TRPC1: variants seen among roughly 807,000 people sequenced by gnomAD.
The protein encoded by TRPC1 is short transient receptor potential channel 1.
A neutral mutation model predicts 88.2 loss-of-function variants in TRPC1; 42 were observed. That is an observed-to-expected ratio of 0.48 (90% CI 0.37 to 0.62). The LOEUF is 0.62. Ranked by LOEUF, TRPC1 falls within the 20% of genes least tolerant of loss-of-function variation. TRPC1 has a pLI of 0.00. For missense variants in TRPC1, 699 were observed against 957.3 expected (o/e 0.73, Z 3.56); for synonymous variants, 288 against 331.8 (o/e 0.87, Z 1.43).
chr3:142,757,319 A>G lies in TRPC1; in HGVS notation c.632+8859A>G, dbSNP rs560559922. 9.2e-4 allele frequency among the ~76,000 whole-genome samples: 138 copies of G among 149,340 alleles called. 2 individuals carry two copies. The highest frequency in any genetic ancestry group is 3.4e-3 in the African/African-American group (133 of 39,614). On this transcript the variant is annotated intron_variant, in intron 4 of 12. Coordinates refer to ENST00000476941, the MANE Select transcript of TRPC1 (RefSeq NM_001251845.2). ...AAAAAATTATGTTTAAAATAATCCCAAAGGATTATAAATCATTCTATAAAG... is the reference window on the plus strand; with the variant it reads ...AAAAAATTATGTTTAAAATAATCCCGAAGGATTATAAATCATTCTATAAAG...
At chr3:142,743,257 C>CCAA (rs1308633704) in intron 2 of TRPC1, among the ~76,000 whole-genome samples, 1 of 151,948 alleles carries the variant, frequency 6.6e-6, no homozygotes, top group Admixed American at 6.6e-5. Context: ...CATTATTTTA[C>CCAA]CAACTCATGC....
chr3:142,751,600 A>G (rs1036835894), intron 4 of TRPC1, among the ~76,000 whole-genome samples: 2 of 152,230 alleles, frequency 1.3e-5, no homozygotes, highest in Non-Finnish European at 2.9e-5. Flanking sequence ...TGGTAATTAA[A>G]TATAGTTGAA....
At chr3:142,732,034 T>A (rs1403959489) in intron 1 of TRPC1, among the ~76,000 whole-genome samples, 1 of 152,228 alleles carries the variant, frequency 6.6e-6, no homozygotes, top group Non-Finnish European at 1.5e-5. Flanking sequence ...TTAAAATATT[T>A]ACTCTCTAAC....
Position 142,804,169 on chromosome 3 carries a change from G to C in TRPC1, c.1950G>C (p.Gln650His). 1 of 1,613,736 alleles carries C rather than the reference G, an allele frequency of 6.2e-7. No homozygotes were observed. Among genetic ancestry groups the C allele is most frequent in the South Asian group, 1.1e-5 (1 of 91,076 alleles). Residue 650 changes from glutamine (Q) to histidine (H), a missense_variant, in exon 11 of 13, where the codon CAG becomes CAC. Around this residue, in one of 4 missense-constraint regions of TRPC1, gnomAD observed 11 missense variants for 47.2 expected, o/e 0.23. Coordinates refer to ENST00000476941, the MANE Select transcript of TRPC1 (RefSeq NM_001251845.2). ...LLVAMLHKSF[Q>H]LIANHEDKEW... ...TGGCAATGCTTCATAAAAGCTTTCA[G>C]TTGATAGCAGTAAGTTCATTCTTTT...
chr3:142,748,539 A>G, intron 4 of TRPC1, 79 bp downstream of exon 4: 2 of 1,482,502 alleles, frequency 1.3e-6, no homozygotes, highest in Admixed American at 1.8e-5. Context: ...TATTCTTTCT[A>G]TGCAGCTTTT....
rs1936645016 is a variant in TRPC1, at chr3:142,802,289, C to T, written c.1702C>T (p.Gln568Ter). ...TGATAAAGGATATACTTCAAAGGAG[C>T]AGAAGGACTGTGTAGGCATCTTCTG... ...LYDKGYTSKE[Q>*]KDCVGIFCEQ... Residue 568 changes from glutamine to a stop codon, truncating the protein, a stop_gained, in exon 10 of 13, where the codon CAG becomes TAG. Transcript: ENST00000476941. LOFTEE classifies it high-confidence loss of function. 1 of 1,593,528 alleles carries T rather than the reference C, an allele frequency of 6.3e-7. No homozygotes were observed. Among genetic ancestry groups the T allele is most frequent in the Non-Finnish European group, 8.5e-7 (1 of 1,171,360 alleles).
chr3:142,791,377 T>G (rs547623881), intron 8 of TRPC1, among the ~76,000 whole-genome samples: 1 of 152,292 alleles, frequency 6.6e-6, no homozygotes, highest in South Asian at 2.1e-4. Flanking sequence ...ACAGGGACCA[T>G]AGTTCACATT....
chr3:142,770,254 G>A (rs767340590), intron 4 of TRPC1, among the ~76,000 whole-genome samples: 4 of 151,764 alleles, frequency 2.6e-5, no homozygotes, highest in Non-Finnish European at 5.9e-5. Context: ...GCACCACCAC[G>A]TCTGGCTAAT....
rs1255370016 is a variant in TRPC1, at chr3:142,792,892, T to C, written c.1506T>C (p.Phe502=). The C allele has an allele frequency of 7.5e-6, 12 of 1,610,400 alleles. No individual in the cohort carries two copies. The highest frequency in any genetic ancestry group is 1.0e-5 in the Non-Finnish European group (12 of 1,177,926). Residue 502 remains phenylalanine, a synonymous_variant, in exon 9 of 13, where the codon TTT becomes TTC. Transcript: ENST00000476941. This position sits in a 1 kb window ranked among gnomAD's most constrained non-coding sequence, Gnocchi z 4.0. The stretch of plus-strand genomic sequence containing the variant: ...CTACACTGGTGGCAGAAGGGCTTTT[T>C]GCATTTGCAAATGTTCTAAGTTATC... ...FHPTLVAEGL[F]AFANVLSYLR...
chr3:142,734,313 GAAAT>G (rs1488138766), intron 1 of TRPC1, among the ~76,000 whole-genome samples: 1 of 152,106 alleles, frequency 6.6e-6, no homozygotes, highest in Non-Finnish European at 1.5e-5. Context: ...GAGTTGGAAA[GAAAT>G]CTGGTAAAAC....
At chr3:142,739,864 G>A (rs9820721) in intron 2 of TRPC1, among the ~76,000 whole-genome samples, 74,668 of 151,678 alleles carry the variant, frequency 0.49, 20,178 homozygotes, top group African/African-American at 0.73. Flanking sequence ...GAAGAAGGGG[G>A]AAAAGGCAGA....
rs538508122 is a variant in TRPC1, at chr3:142,774,727, T to C, written c.633-2905T>C. On this transcript the variant is annotated intron_variant, in intron 4 of 12. Coordinates refer to ENST00000476941, the MANE Select transcript of TRPC1 (RefSeq NM_001251845.2). Reference sequence around the variant, plus strand: ...TTCAGTTTTATGTATTTTTTTTTTGTGGAGGGGAATTACTGACCTCTTCAT... The same window carrying C: ...TTCAGTTTTATGTATTTTTTTTTTGCGGAGGGGAATTACTGACCTCTTCAT... Among the ~76,000 whole-genome samples the C allele has an allele frequency of 1.4e-4, 21 of 152,104 alleles. No individual in the cohort carries two copies. The South Asian group carries it at 4.2e-3, about 30-fold the overall frequency.
In TRPC1 at chr3:142,766,464, G is replaced by C. The variant is rs144683577; in HGVS notation, c.633-11168G>C. Reference sequence around the variant, plus strand: ...CACCCAGACTGGAGTGTAGTGTTGCGATCTCAGCTCACTGCAACTTCCACA... The same window carrying C: ...CACCCAGACTGGAGTGTAGTGTTGCCATCTCAGCTCACTGCAACTTCCACA... On this transcript the variant is annotated intron_variant, in intron 4 of 12. Coordinates refer to ENST00000476941, the MANE Select transcript of TRPC1 (RefSeq NM_001251845.2). Among the ~76,000 whole-genome samples, 11 of 149,752 alleles carry C rather than the reference G, an allele frequency of 7.3e-5. No individual in the cohort carries two copies. The South Asian group carries it at 1.5e-3, about 20-fold the overall frequency.
intron 7 of TRPC1, 23 bp from the exon 8 acceptor site, chr3:142,790,995 TG>T: frequency 6.5e-7 from 1 of 1,538,966 alleles, no homozygotes; most frequent in South Asian, 1.3e-5. Flanking sequence ...AAGTGTTATC[TG>T]ATTTTTTTCT....
At chr3:142,750,278 A>G (rs1329119698) in intron 4 of TRPC1, among the ~76,000 whole-genome samples, 5 of 152,248 alleles carry the variant, frequency 3.3e-5, no homozygotes, top group African/African-American at 9.6e-5. Flanking sequence ...ACTTGTCAAA[A>G]GAAGACATTT....
rs113641500 is a variant in TRPC1, at chr3:142,724,952, C to G, written c.172+221C>G. Among the ~76,000 whole-genome samples the G allele has an allele frequency of 5.3e-4, 81 of 152,330 alleles. No individual in the cohort carries two copies. Among genetic ancestry groups the G allele is most frequent in the African/African-American group, 1.9e-3 (80 of 41,582 alleles). On this transcript the variant is annotated intron_variant, in intron 1 of 12. Coordinates refer to ENST00000476941, the MANE Select transcript of TRPC1 (RefSeq NM_001251845.2). The surrounding 1 kb of genome is among the most constrained non-coding windows in gnomAD (Gnocchi z 5.6). ...GGGGCTGCGCCCTCGGAGCGCTGCA[C>G]CGTCGGGGGTGGCTCTGGCCTTGGG... is the stretch of plus-strand genomic sequence containing the variant.
chr3:142,763,213 T>C (rs969798490), intron 4 of TRPC1, among the ~76,000 whole-genome samples: 2 of 152,098 alleles, frequency 1.3e-5, no homozygotes, highest in Non-Finnish European at 2.9e-5. Context: ...AATTTTACTC[T>C]TTCTTTGTTG....
At chr3:142,799,075 A>G (rs1026321127) in intron 9 of TRPC1, among the ~76,000 whole-genome samples, 3 of 152,164 alleles carry the variant, frequency 2.0e-5, no homozygotes, top group Admixed American at 6.5e-5. Context: ...ATTTTCTGCA[A>G]TACAAGCAGT....
chr3:142,732,267 T>C (rs1222720163), intron 1 of TRPC1, among the ~76,000 whole-genome samples: 1 of 152,088 alleles, frequency 6.6e-6, no homozygotes, highest in Non-Finnish European at 1.5e-5. Flanking sequence ...CTACCCTCCC[T>C]GGAGGCTGAG....
Sources: allele counts gnomAD v4.1 joint callset (sites outside exome capture counted in the v4.1 genomes callset), GRCh38; gene constraint gnomAD v4.1.1; regional missense constraint gnomAD v4.1.1; non-coding constraint Gnocchi (gnomAD v3.1); transcripts MANE v1.5; gene names NCBI Gene and HGNC (gene_info 2026-07-23, HGNC 2026-07-21).